SV2C: variants seen among roughly 807,000 people sequenced by gnomAD.
The protein encoded by SV2C is solute carrier family 22 member B3.
In SV2C, 49 loss-of-function variants were observed where a neutral mutation model predicts 79.7. That is an observed-to-expected ratio of 0.61 (90% CI 0.49 to 0.78). SV2C has a LOEUF of 0.78. Among genes scored for constraint, SV2C ranks in the 30% least tolerant of loss-of-function variants. SV2C has a pLI of 0.00. For synonymous variants in SV2C, 334 were observed against 333.2 expected (o/e 1.00, Z -0.03); for missense variants, 833 against 912.9 (o/e 0.91, Z 1.13).
At chr5:76,189,423 T>G (rs1174966272) in intron 2 of SV2C, among the ~76,000 whole-genome samples, 1 of 152,110 alleles carries the variant, frequency 6.6e-6, no homozygotes, top group Non-Finnish European at 1.5e-5. Flanking sequence ...ACTATTCCAG[T>G]AGCTGATTTC....
At chr5:76,341,038 C>T (rs1384501343) in intron 12 of SV2C, among the ~76,000 whole-genome samples, 1 of 149,982 alleles carries the variant, frequency 6.7e-6, no homozygotes, top group Non-Finnish European at 1.5e-5. Context: ...TCAAGCGATT[C>T]TCCTGCCTCA....
chr5:76,352,208 G>A (rs1474700876), intron 12 of SV2C, among the ~76,000 whole-genome samples: 1 of 151,974 alleles, frequency 6.6e-6, no homozygotes, highest in Non-Finnish European at 1.5e-5. Flanking sequence ...GTGAGACTCT[G>A]TCTTAAAACA....
At chr5:76,144,471 T>C (rs1749358091) in intron 2 of SV2C, among the ~76,000 whole-genome samples, 1 of 152,202 alleles carries the variant, frequency 6.6e-6, no homozygotes, top group Non-Finnish European at 1.5e-5. Flanking sequence ...TTTATTTATC[T>C]GGAGGAAAGG....
chr5:75,889,039 T>A, the SV2C span, among the ~76,000 whole-genome samples: 1 of 152,104 alleles, frequency 6.6e-6, no homozygotes, highest in African/African-American at 2.4e-5. Flanking sequence ...TCTCTTCTTA[T>A]AAGGACCCAA....
the SV2C span, among the ~76,000 whole-genome samples, chr5:75,975,294 TA>T: frequency 5.3e-5 from 8 of 152,196 alleles, 1 homozygote; most frequent in Non-Finnish European, 4.4e-5. Context: ...TAATATTTAT[TA>T]AATGATGAAG....
At chr5:75,985,607 G>T in the SV2C span, among the ~76,000 whole-genome samples, 1 of 151,864 alleles carries the variant, frequency 6.6e-6, no homozygotes, top group Non-Finnish European at 1.5e-5. Context: ...AGATGTCCTT[G>T]CTCTAGATGG....
At chr5:76,187,748 T>C (rs1743965167) in intron 2 of SV2C, among the ~76,000 whole-genome samples, 2 of 60,830 alleles carry the variant, frequency 3.3e-5, no homozygotes, top group Admixed American at 2.1e-4. Flanking sequence ...AGTTTCAAAT[T>C]GCAAAAAAAA....
intron 12 of SV2C, among the ~76,000 whole-genome samples, chr5:76,324,860 A>G (rs911586970): frequency 5.3e-5 from 8 of 151,994 alleles, no homozygotes; most frequent in Non-Finnish European, 8.8e-5. Flanking sequence ...TCTCTACAAA[A>G]ATAAAAATAA....
the SV2C span, among the ~76,000 whole-genome samples, chr5:75,901,262 T>G: frequency 6.6e-6 from 1 of 152,198 alleles, no homozygotes; most frequent in East Asian, 1.9e-4. Flanking sequence ...GATGGGTTTT[T>G]GGTGTGGATG....
At chr5:76,253,031 A>C (rs894467926) in intron 4 of SV2C, among the ~76,000 whole-genome samples, 5 of 152,246 alleles carry the variant, frequency 3.3e-5, no homozygotes, top group Non-Finnish European at 7.3e-5. Context: ...TAACTGCAAT[A>C]ATGGCTCAAT....
chr5:76,198,611 C>T (rs745791234), intron 3 of SV2C, among the ~76,000 whole-genome samples: 1 of 152,168 alleles, frequency 6.6e-6, no homozygotes, highest in South Asian at 2.1e-4. Flanking sequence ...TCCCTTAATC[C>T]AGTCAAGTTA....
Position 76,143,907 on chromosome 5 carries a change from C to A in SV2C, c.580+11577C>A, listed in dbSNP as rs560954888. Among the ~76,000 whole-genome samples, 162 of 152,194 alleles carry A rather than the reference C, an allele frequency of 1.1e-3. 1 individual carries two copies. The highest frequency in any genetic ancestry group is 3.6e-3 in the African/African-American group (149 of 41,540). On this transcript the variant is annotated intron_variant, in intron 2 of 12. Coordinates refer to ENST00000502798, the MANE Select transcript of SV2C (RefSeq NM_014979.4). ...AAAGGTGATTTAGTGCTCACAGAAT[C>A]AAAAACCCTAAATTTGAAGAAGAGA...
At chr5:76,198,791 C>A (rs926300126) in intron 3 of SV2C, among the ~76,000 whole-genome samples, 1 of 152,184 alleles carries the variant, frequency 6.6e-6, no homozygotes, top group African/African-American at 2.4e-5. Flanking sequence ...TCATCAAAGT[C>A]TCTTTTTCTC....
chr5:75,993,608 T>G, the SV2C span, among the ~76,000 whole-genome samples: 12 of 152,060 alleles, frequency 7.9e-5, no homozygotes, highest in Non-Finnish European at 1.8e-4. Context: ...ATTGGTTTAT[T>G]TTAATGTAAT....
rs140721774 is a variant in SV2C, at chr5:76,303,843, G to T, written c.2000+2298G>T. On this transcript the variant is annotated intron_variant, in intron 12 of 12. Coordinates refer to ENST00000502798, the MANE Select transcript of SV2C (RefSeq NM_014979.4). ...AAAAATGTTATTAGAGGAAATGACT[G>T]TGAGAGAAGATGGAGAGGGAGTGAA... 4.1e-4 allele frequency among the ~76,000 whole-genome samples: 63 copies of T among 152,286 alleles called. No homozygotes were observed. The East Asian group carries it at 0.011, about 27-fold the overall frequency.
At chr5:76,091,115 A>T (rs994864665) in intron 1 of SV2C, among the ~76,000 whole-genome samples, 1 of 152,164 alleles carries the variant, frequency 6.6e-6, no homozygotes, top group African/African-American at 2.4e-5. Context: ...ATTCTTTTCA[A>T]CACAAGACAG....
chr5:76,121,084 A>G (rs1317067648), intron 1 of SV2C, among the ~76,000 whole-genome samples: 3 of 150,410 alleles, frequency 2.0e-5, no homozygotes, highest in East Asian at 1.9e-4. Flanking sequence ...ATGGTATCTC[A>G]TTGTGGTTTT....
At chr5:76,253,708 G>GAA (rs11390195) in intron 4 of SV2C, among the ~76,000 whole-genome samples, 43,087 of 117,844 alleles carry the variant, frequency 0.37, 8,371 homozygotes, top group Middle Eastern at 0.44. Flanking sequence ...CCTCCCTAAG[G>GAA]AAAAAAAAAA....
At chr5:75,918,151 A>C in the SV2C span, among the ~76,000 whole-genome samples, 1 of 152,222 alleles carries the variant, frequency 6.6e-6, no homozygotes, top group East Asian at 1.9e-4. Flanking sequence ...TGAACAAATA[A>C]TATGTTAAGT....
Sources: gnomAD v4.1 joint callset for allele counts (sites outside exome capture counted in the v4.1 genomes callset) on GRCh38, gnomAD v4.1.1 for gene constraint, MANE v1.5 for transcripts, NCBI Gene and HGNC (gene_info 2026-07-23, HGNC 2026-07-21) for gene names.